Variants in GALNT18 observed in about 807,000 individuals in gnomAD.
The protein encoded by GALNT18 is GalNAc-transferase 18.
GALNT18 carries 44 observed loss-of-function variants against 69.5 expected under a neutral mutation model. The observed-to-expected ratio is 0.63, with a 90% CI of 0.50 to 0.81. GALNT18 has a LOEUF of 0.81. GALNT18 is among the 40% of genes least tolerant of loss of function. The pLI is 0.00. For missense variants in GALNT18, 715 were observed against 810.0 expected, an observed-to-expected ratio of 0.88 and a Z score of 1.42; for synonymous variants, 364 against 318.2, an observed-to-expected ratio of 1.14 and a Z score of -1.53.
intron 2 of GALNT18, among the ~76,000 whole-genome samples, chr11:11,442,274 C>T (rs960242431): frequency 1.3e-5 from 2 of 152,112 alleles, no homozygotes; most frequent in Non-Finnish European, 2.9e-5. Flanking sequence ...TTTTAAGTGC[C>T]CTTGGGGTTA....
At chr11:11,328,297 G>A (rs1261808632) in intron 8 of GALNT18, among the ~76,000 whole-genome samples, 1 of 152,136 alleles carries the variant, frequency 6.6e-6, no homozygotes, top group Non-Finnish European at 1.5e-5. Flanking sequence ...CTTAACTTGA[G>A]CTGGCTTGAC....
At position 11,435,885 on chromosome 11, in the gene GALNT18, A is replaced by T. The variant is rs1044575406; in HGVS notation, c.429-3098T>A. Among the ~76,000 whole-genome samples the T allele has an allele frequency of 4.6e-5, 7 of 152,160 alleles. No individual in the cohort carries two copies. Among genetic ancestry groups the T allele is most frequent in the Non-Finnish European group, 7.4e-5 (5 of 68,018 alleles). ...ACATTCGCAGTCTCCAGAAGTGCTCAGTTTCTTTACACTGTAATCCCTTCA... is the reference window on the plus strand; with the variant it reads ...ACATTCGCAGTCTCCAGAAGTGCTCTGTTTCTTTACACTGTAATCCCTTCA... On this transcript the variant is annotated intron_variant, in intron 2 of 10. Transcript: ENST00000227756. The surrounding 1 kb of genome is among the most constrained non-coding windows in gnomAD (Gnocchi z 4.4).
chr11:11,329,270 C>T (rs1433789431), intron 8 of GALNT18, among the ~76,000 whole-genome samples: 1 of 152,126 alleles, frequency 6.6e-6, no homozygotes, highest in Non-Finnish European at 1.5e-5. Context: ...TTCCTCAAAG[C>T]CATTCAGGGA....
intron 1 of GALNT18, among the ~76,000 whole-genome samples, chr11:11,534,384 T>G (rs1857725528): frequency 6.6e-6 from 1 of 152,210 alleles, no homozygotes; most frequent in South Asian, 2.1e-4. Flanking sequence ...CACCAGCCAT[T>G]TTGTCTCACT....
At position 11,285,570 on chromosome 11, in the gene GALNT18, A is replaced by T. The variant is rs117193627; in HGVS notation, c.1677+7459T>A. On this transcript the variant is annotated intron_variant, in intron 10 of 10. Transcript: ENST00000227756. Reference sequence around the variant, plus strand: ...ATAAACCAAAAATAACTAATTGCACATCCAAGGCCTAAACGAAGCTTTGTC... The same window carrying T: ...ATAAACCAAAAATAACTAATTGCACTTCCAAGGCCTAAACGAAGCTTTGTC... 1.5e-3 allele frequency among the ~76,000 whole-genome samples: 229 copies of T among 152,318 alleles called. 2 individuals carry two copies. The East Asian group carries it at 0.036, about 24-fold the overall frequency.
In GALNT18 at chr11:11,341,034, G is replaced by A. The variant is rs765338769; in HGVS notation, c.1093-30C>T. The A allele has an allele frequency of 6.4e-7, 1 of 1,563,506 alleles. No homozygotes were observed. Among genetic ancestry groups the A allele is most frequent in the African/African-American group, 1.4e-5 (1 of 73,264 alleles). ...AGAAGACATGGAGCCACTTGTCAGA[G>A]CCTGCCTGGCTCTGCCTTTCTACAC... On this transcript the variant is annotated intron_variant, in intron 6 of 10. Transcript: ENST00000227756. This position sits in a 1 kb window ranked among gnomAD's most constrained non-coding sequence, Gnocchi z 6.3.
At chr11:11,549,878 G>C (rs905963659) in intron 1 of GALNT18, among the ~76,000 whole-genome samples, 1 of 152,184 alleles carries the variant, frequency 6.6e-6, no homozygotes, top group African/African-American at 2.4e-5. Context: ...GTGGAGGAGG[G>C]GAGGAAGTCA....
chr11:11,409,380 G>T (rs566465264), intron 3 of GALNT18, among the ~76,000 whole-genome samples: 1 of 152,128 alleles, frequency 6.6e-6, no homozygotes, highest in Non-Finnish European at 1.5e-5. Flanking sequence ...AATCAAAGCC[G>T]CCTCTGCTCT....
rs910178647 is a variant in GALNT18 at position 11,347,508 on chromosome 11, C to T, written c.1093-6504G>A. On this transcript the variant is annotated intron_variant, in intron 6 of 10. Coordinates refer to ENST00000227756, the MANE Select transcript of GALNT18 (RefSeq NM_198516.3). The surrounding 1 kb of genome is among the most constrained non-coding windows in gnomAD (Gnocchi z 4.0). ...GAAGTATGCCACAATTTATTCATTA[C>T]GGTTACCATGGGTAAGGGACTGGGG... Among the ~76,000 whole-genome samples, 1 of 152,192 alleles carries T rather than the reference C, an allele frequency of 6.6e-6. No individual in the cohort carries two copies. The highest frequency in any genetic ancestry group is 1.5e-5 in the Non-Finnish European group (1 of 68,038).
At chr11:11,417,680 A>C (rs968125075) in intron 3 of GALNT18, among the ~76,000 whole-genome samples, 1 of 152,180 alleles carries the variant, frequency 6.6e-6, no homozygotes, top group Non-Finnish European at 1.5e-5. Flanking sequence ...ATTGCCTTGC[A>C]TCGGCCCACA....
rs143816130 is a variant in GALNT18, at chr11:11,543,378, C to T, written c.235+77981G>A. 6.4e-4 allele frequency among the ~76,000 whole-genome samples: 98 copies of T among 152,298 alleles called. No homozygotes were observed. Among genetic ancestry groups the T allele is most frequent in the South Asian group, 2.9e-3 (14 of 4,820 alleles). On this transcript the variant is annotated intron_variant, in intron 1 of 10. Coordinates refer to ENST00000227756, the MANE Select transcript of GALNT18 (RefSeq NM_198516.3). This position sits in a 1 kb window ranked among gnomAD's most constrained non-coding sequence, Gnocchi z 5.1. ...GCCACCTCAGCTGGAGTGACAGGGA[C>T]GTGGTGAGGACAAAGGAGCCTCGAT...
At chr11:11,371,003 G>A (rs1027232677) in intron 6 of GALNT18, among the ~76,000 whole-genome samples, 1 of 152,228 alleles carries the variant, frequency 6.6e-6, no homozygotes, top group Admixed American at 6.5e-5. Flanking sequence ...CTGCAGAAAC[G>A]AGGGTGATTA....
intron 1 of GALNT18, among the ~76,000 whole-genome samples, chr11:11,515,377 C>T (rs1193655438): frequency 1.3e-5 from 2 of 151,972 alleles, no homozygotes. Flanking sequence ...CCTGGAGGTT[C>T]GGATACACCC....
chr11:11,577,787 C>T (rs4910388), intron 1 of GALNT18, among the ~76,000 whole-genome samples: 145,558 of 152,222 alleles, frequency 0.96, 69,636 homozygotes, highest in South Asian at 0.99. Flanking sequence ...TTAGGAAGAT[C>T]ATTGGTTTGG....
Position 11,377,461 on chromosome 11 carries a change from C to CTCTTTCTGCTGGGGAAGGA in GALNT18, c.780-83_780-82insTCCTTCCCCAGCAGAAAGA. 1.6e-6 allele frequency: 2 copies of CTCTTTCTGCTGGGGAAGGA among 1,277,420 alleles called. No individual in the cohort carries two copies. The highest frequency in any genetic ancestry group is 2.3e-6 in the Non-Finnish European group (2 of 888,886). 79.1% of individuals were successfully genotyped at this position (1,277,420 alleles called of 1,614,324 possible). On this transcript the variant is annotated intron_variant, in intron 4 of 10. Coordinates refer to ENST00000227756, the MANE Select transcript of GALNT18 (RefSeq NM_198516.3). The surrounding 1 kb of genome is among the most constrained non-coding windows in gnomAD (Gnocchi z 4.6). The stretch of plus-strand genomic sequence containing the variant: ...GAGTAGCATCTCCTGAAGGTCCTTC[C>CTCTTTCTGCTGGGGAAGGA]CCAGCAGAAAGAGGAAGGAAGGCCT...
In GALNT18 at chr11:11,338,249, T is replaced by C. The variant is rs376533241; in HGVS notation, c.1278+2570A>G. The stretch of plus-strand genomic sequence containing the variant: ...TCCCAAAGTGCTGGCATTACAGGCA[T>C]GAGCCACTGCGCCTGGCCTCATTTA... On this transcript the variant is annotated intron_variant, in intron 7 of 10. Coordinates refer to ENST00000227756, the MANE Select transcript of GALNT18 (RefSeq NM_198516.3). This position sits in a 1 kb window ranked among gnomAD's most constrained non-coding sequence, Gnocchi z 5.3. Among the ~76,000 whole-genome samples, 8 of 152,232 alleles carry C rather than the reference T, an allele frequency of 5.3e-5. No homozygotes were observed. In the East Asian group the frequency reaches 1.2e-3, roughly 22 times the overall value.
In GALNT18 at chr11:11,463,057, G is replaced by A. The variant is rs888906311; in HGVS notation, c.236-14121C>T. On this transcript the variant is annotated intron_variant, in intron 1 of 10. Transcript: ENST00000227756. The surrounding 1 kb of genome is among the most constrained non-coding windows in gnomAD (Gnocchi z 4.2). The stretch of plus-strand genomic sequence containing the variant: ...ACAGGACAGGCAGGTGGGAGGGTAA[G>A]CAGTGCTCTGCAGTGTGGAGAGAGA... Among the ~76,000 whole-genome samples, 10 of 152,136 alleles carry A rather than the reference G, an allele frequency of 6.6e-5. No individual in the cohort carries two copies. The highest frequency in any genetic ancestry group is 2.1e-4 in the South Asian group (1 of 4,820).
chr11:11,581,597 C>G (rs1305616840), intron 1 of GALNT18, among the ~76,000 whole-genome samples: 1 of 151,640 alleles, frequency 6.6e-6, no homozygotes, highest in East Asian at 2.0e-4. Flanking sequence ...GCTGCACTCA[C>G]AGAGCAGGGC....
chr11:11,436,186 C>T lies in GALNT18; in HGVS notation c.429-3399G>A, dbSNP rs1589999954. ...ACCCAGGTGCTGTTCCCAGTTCTGC[C>T]CCACCTTGCTGTGTGACCATGAATG... On this transcript the variant is annotated intron_variant, in intron 2 of 10. Coordinates refer to ENST00000227756, the MANE Select transcript of GALNT18 (RefSeq NM_198516.3). This position sits in a 1 kb window ranked among gnomAD's most constrained non-coding sequence, Gnocchi z 4.5. 6.6e-6 allele frequency among the ~76,000 whole-genome samples: 1 copy of T among 152,308 alleles called. No individual in the cohort carries two copies. Among genetic ancestry groups the T allele is most frequent in the South Asian group, 2.1e-4 (1 of 4,820 alleles).
Sources: gnomAD v4.1 joint callset for allele counts (sites outside exome capture counted in the v4.1 genomes callset) on GRCh38, gnomAD v4.1.1 for gene constraint, Gnocchi (gnomAD v3.1) non-coding constraint, MANE v1.5 for transcripts, NCBI Gene and HGNC (gene_info 2026-07-23, HGNC 2026-07-21) for gene names.